SPINK2: variants seen among roughly 807,000 people sequenced by gnomAD.
SPINK2 encodes serine peptidase inhibitor Kazal type 2, also known as serine protease inhibitor Kazal-type 2.
SPINK2 carries 8 observed loss-of-function variants against 13.5 expected under a neutral mutation model. The observed-to-expected ratio is 0.59, with a 90% CI of 0.35 to 1.07. The LOEUF is 1.07. SPINK2 is among the 50% of genes least tolerant of loss of function. SPINK2 has a pLI of 0.02. For synonymous variants in SPINK2, 76 were observed against 74.7 expected, an observed-to-expected ratio of 1.02 and a Z score of -0.09; for missense variants, 148 against 180.3, an observed-to-expected ratio of 0.82 and a Z score of 1.03.
intron 2 of SPINK2, among the ~76,000 whole-genome samples, chr4:56,812,033 G>T (rs1330476216): frequency 6.7e-6 from 1 of 150,326 alleles, no homozygotes; most frequent in East Asian, 2.0e-4. Context: ...AAGTAGCTGG[G>T]ATTACAGGCG....
intron 3 of SPINK2, chr4:56,810,414 C>A: frequency 4.0e-6 from 2 of 498,732 alleles, no homozygotes; most frequent in Non-Finnish European, 7.0e-6. Flanking sequence ...CAAAGAATCA[C>A]TCAGAGAGCT....
At chr4:56,820,725 C>A (rs917923655) in intron 1 of SPINK2, 146 bp from the exon 2 acceptor site, 1 of 624,968 alleles carries the variant, frequency 1.6e-6, no homozygotes, top group Non-Finnish European at 2.8e-6. Context: ...CCTGCCTAGG[C>A]CTCCCAAAGT....
chr4:56,810,047 GA>G lies in SPINK2; in HGVS notation c.*91del. 6.5e-7 allele frequency: 1 copy of G among 1,537,880 alleles called. No individual in the cohort carries two copies. ...TGTGTGTTAACAAATCTCATGTAAA[GA>G]AACACAGGAAAAGAGAAAAAGGGGA... On this transcript the variant is annotated 3_prime_UTR_variant, in exon 4 of 4. Coordinates refer to ENST00000506738, the MANE Select transcript of SPINK2 (RefSeq NM_001271718.2).
chr4:56,821,838 G>A, upstream of SPINK2: 1 of 674,702 alleles, frequency 1.5e-6, no homozygotes, highest in Non-Finnish European at 2.3e-6. Flanking sequence ...GGCGGGAAGA[G>A]GAGCCGTGAA....
rs1293527153 is a variant in SPINK2 at position 56,815,070 on chromosome 4, G to A, written c.250-3276C>T. Among the ~76,000 whole-genome samples, 2 of 151,570 alleles carry A rather than the reference G, an allele frequency of 1.3e-5. 1 individual carries two copies. The highest frequency in any genetic ancestry group is 4.2e-4 in the South Asian group (2 of 4,814). ...ATTGCACTCCAGCCTAGGGGACAAG[G>A]GTGAAACTCTGTCTCAAAAAACAAA... On this transcript the variant is annotated intron_variant, in intron 2 of 3. Transcript: ENST00000506738.
intron 2 of SPINK2, among the ~76,000 whole-genome samples, chr4:56,819,927 G>A (rs1011345951): frequency 6.6e-6 from 1 of 152,034 alleles, no homozygotes; most frequent in Non-Finnish European, 1.5e-5. Flanking sequence ...AAAATGGTTA[G>A]GATTTGATTA....
At chr4:56,813,149 C>A (rs1717136837) in intron 2 of SPINK2, among the ~76,000 whole-genome samples, 1 of 152,000 alleles carries the variant, frequency 6.6e-6, no homozygotes, top group African/African-American at 2.4e-5. Flanking sequence ...ATGGTGAAAC[C>A]CCATCTCTAG....
chr4:56,810,314 AT>A (rs1245179547), intron 3 of SPINK2, 130 bp from the exon 4 acceptor site: 5 of 797,026 alleles, frequency 6.3e-6, no homozygotes, highest in Non-Finnish European at 7.8e-6. Context: ...TTATTTAATC[AT>A]TTTTTAAGCT....
At chr4:56,821,424 C>T in intron 1 of SPINK2, 34 bp downstream of exon 1, 13 of 1,480,098 alleles carry the variant, frequency 8.8e-6, no homozygotes, top group Non-Finnish European at 1.2e-5. Flanking sequence ...CTCCACAAAG[C>T]CACCCCCACA....
intron 2 of SPINK2, among the ~76,000 whole-genome samples, chr4:56,819,863 C>T (rs1293759749): frequency 6.6e-6 from 1 of 152,128 alleles, no homozygotes; most frequent in African/African-American, 2.4e-5. Flanking sequence ...GATCTGCCCA[C>T]CTCGGCCTCC....
intron 2 of SPINK2, among the ~76,000 whole-genome samples, chr4:56,819,344 C>T (rs1717730171): frequency 6.6e-6 from 1 of 152,140 alleles, no homozygotes; most frequent in South Asian, 2.1e-4. Context: ...CCTCATATGT[C>T]AAATAATGTC....
At chr4:56,821,776 GAGGAAAAGCA>G, upstream of SPINK2, 1 of 1,161,898 alleles carries the variant, frequency 8.6e-7, no homozygotes, top group African/African-American at 1.7e-5. Flanking sequence ...GCGAGAATGG[GAGGAAAAGCA>G]GCGGTAGGTG....
chr4:56,819,004 A>C lies in SPINK2; in HGVS notation c.249+1532T>G, dbSNP rs116242676. Among the ~76,000 whole-genome samples the C allele has an allele frequency of 7.3e-3, 1,109 of 152,292 alleles. 22 individuals are homozygous for C. Among genetic ancestry groups the C allele is most frequent in the African/African-American group, 0.024 (1,014 of 41,566 alleles). ...GGGTAGAGAAAAGCACTGGATCTGG[A>C]GTCAGACTGCCTGGATGAGAAGCAT... On this transcript the variant is annotated intron_variant, in intron 2 of 3. Coordinates refer to ENST00000506738, the MANE Select transcript of SPINK2 (RefSeq NM_001271718.2).
Position 56,809,929 on chromosome 4 carries a change from C to G in SPINK2, c.*210G>C. 7.3e-7 allele frequency: 1 copy of G among 1,376,546 alleles called. No homozygotes were observed. Among genetic ancestry groups the G allele is most frequent in the Non-Finnish European group, 9.6e-7 (1 of 1,044,710 alleles). 85.3% of individuals were successfully genotyped at this position (1,376,546 alleles called of 1,614,324 possible). A position where few individuals can be genotyped will look rare whatever the true frequency, so the allele number is the denominator to read the frequency against. On this transcript the variant is annotated 3_prime_UTR_variant, in exon 4 of 4. Transcript: ENST00000506738. ...CAAGTCACCTGGGCAGTAAGCTTAA[C>G]TCCAGGAGCAAAAGCCAAGAAACAA...
intron 2 of SPINK2, chr4:56,818,139 C>G (rs781537): frequency 0.71 from 108,586 of 152,058 alleles, 39,666 homozygotes; most frequent in East Asian, 0.97. Flanking sequence ...AGATAATGGG[C>G]GTCCTAAATT....
Position 56,821,519 on chromosome 4 carries a change from C to G in SPINK2, c.144G>C (p.Pro48=), listed in dbSNP as rs1239211373. 2 of 1,542,432 alleles carry G rather than the reference C, an allele frequency of 1.3e-6. No homozygotes were observed. The highest frequency in any genetic ancestry group is 1.7e-6 in the Non-Finnish European group (2 of 1,145,968). ...CGCGGGTACCGTCGCCGAGGCCGCC[C>G]GGAGCAGGGCAGGGTCCGCCGCCGG... is the stretch of plus-strand genomic sequence containing the variant. ...SQTGGGPCPA[P]GGLGDGTRAP... is the part of the protein sequence containing the mutation. The change falls in exon 1 of 4, where the codon CCG becomes CCC. Residue 48 remains proline, a synonymous_variant. Coordinates refer to ENST00000506738, the MANE Select transcript of SPINK2 (RefSeq NM_001271718.2).
rs181894164 is a variant in SPINK2, at chr4:56,813,735, A to G, written c.250-1941T>C. Among the ~76,000 whole-genome samples the G allele has an allele frequency of 5.5e-4, 83 of 151,158 alleles. 2 individuals are homozygous for G. Among genetic ancestry groups the G allele is most frequent in the African/African-American group, 1.8e-3 (76 of 41,148 alleles). On this transcript the variant is annotated intron_variant, in intron 2 of 3. Coordinates refer to ENST00000506738, the MANE Select transcript of SPINK2 (RefSeq NM_001271718.2). ...CAGGTTCAAGCAATTCTCCTGTCTC[A>G]GCCTCCCCATTAGCTGGTATTACAG...
At chr4:56,814,878 G>A (rs1006297769) in intron 2 of SPINK2, among the ~76,000 whole-genome samples, 10 of 150,724 alleles carry the variant, frequency 6.6e-5, no homozygotes, top group Admixed American at 1.3e-4. Flanking sequence ...GGAGAATGGC[G>A]TGAACCCAGG....
rs370920410 is a variant in SPINK2, at chr4:56,821,427, C to A, written c.205+31G>T. On this transcript the variant is annotated intron_variant, in intron 1 of 3. Transcript: ENST00000506738. ...GAGGGTGGCTGACTCCACAAAGCCA[C>A]CCCCACAACCCCCAGTTCGCGTTCC... 3.4e-5 allele frequency: 51 copies of A among 1,482,382 alleles called. 1 individual carries two copies. The East Asian group carries it at 7.5e-4, about 22-fold the overall frequency. The allele number at this position is 1,482,382 out of a possible 1,614,324, so 91.8% of individuals were successfully genotyped here.
Sources: gnomAD v4.1 joint callset for allele counts (sites outside exome capture counted in the v4.1 genomes callset) on GRCh38, gnomAD v4.1.1 for gene constraint, MANE v1.5 for transcripts, NCBI Gene and HGNC (gene_info 2026-07-23, HGNC 2026-07-21) for gene names.